The following NFATC3 variants were observed in gnomAD, a reference collection of about 807,000 sequenced individuals.
NFATC3 encodes nuclear factor of activated T-cells, cytoplasmic 3.
A neutral mutation model predicts 98.6 loss-of-function variants in NFATC3; 46 were observed. That is an observed-to-expected ratio of 0.47 (90% CI 0.37 to 0.60). NFATC3 has a LOEUF of 0.60. Ranked by LOEUF, NFATC3 falls within the 20% of genes least tolerant of loss-of-function variation. The pLI is 0.00. For missense variants in NFATC3, 1,256 were observed against 1,295.5 expected (o/e 0.97, Z 0.47); for synonymous variants, 512 against 472.2 (o/e 1.08, Z -1.09).
At position 68,228,484 on chromosome 16, in the gene NFATC3, T is replaced by G. The variant is rs1322582660; in HGVS notation, c.*2013T>G. Reference sequence around the variant, plus strand: ...CCTCAAGAATTAAAAGCCTCTATGATCCAGAGTTGCTATGCACCAAATTTT... The same window carrying G: ...CCTCAAGAATTAAAAGCCTCTATGAGCCAGAGTTGCTATGCACCAAATTTT... On this transcript the variant is annotated 3_prime_UTR_variant, in exon 10 of 10. Transcript: ENST00000346183. 2 of 152,566 alleles carry G rather than the reference T, an allele frequency of 1.3e-5. No homozygotes were observed. Among genetic ancestry groups the G allele is most frequent in the Non-Finnish European group, 2.9e-5 (2 of 68,038 alleles). 9.5% of individuals were successfully genotyped at this position (152,566 alleles called of 1,614,324 possible).
chr16:68,115,973 T>A (rs2036256929), intron 1 of NFATC3, among the ~76,000 whole-genome samples: 2 of 152,172 alleles, frequency 1.3e-5, no homozygotes, highest in Non-Finnish European at 2.9e-5. Flanking sequence ...ACGTATGCAT[T>A]GCACTCATTA....
At chr16:68,179,054 C>G (rs1459508158) in intron 6 of NFATC3, among the ~76,000 whole-genome samples, 1 of 152,162 alleles carries the variant, frequency 6.6e-6, no homozygotes, top group Non-Finnish European at 1.5e-5. Context: ...TGTTAAGTCT[C>G]TATATCTTAG....
chr16:68,156,399 T>C (rs528570519), intron 3 of NFATC3, among the ~76,000 whole-genome samples: 12 of 152,196 alleles, frequency 7.9e-5, no homozygotes, highest in African/African-American at 2.6e-4. Context: ...CAAACCGATA[T>C]CCTTCATGAA....
At chr16:68,133,805 A>G (rs1299383098) in intron 3 of NFATC3, among the ~76,000 whole-genome samples, 3 of 150,232 alleles carry the variant, frequency 2.0e-5, no homozygotes, top group Non-Finnish European at 3.0e-5. Flanking sequence ...GTGTTTCTTT[A>G]TCTGTTATCT....
At position 68,214,294 on chromosome 16, in the gene NFATC3, T is replaced by C. The variant is rs770502011; in HGVS notation, c.3107-12056T>C. 4 of 1,544,034 alleles carry C rather than the reference T, an allele frequency of 2.6e-6. 1 individual carries two copies. In the South Asian group the frequency reaches 4.5e-5, roughly 17 times the overall value. On this transcript the variant is annotated intron_variant, in intron 9 of 9. Transcript: ENST00000346183. ...AGATTAAGTTCACCCTCTGGTTTGTTCCATTCAGTAGTGATGTTGTCTTCT... is the reference window on the plus strand; with the variant it reads ...AGATTAAGTTCACCCTCTGGTTTGTCCCATTCAGTAGTGATGTTGTCTTCT...
At chr16:68,167,637 A>G (rs2039256852) in intron 5 of NFATC3, among the ~76,000 whole-genome samples, 1 of 152,076 alleles carries the variant, frequency 6.6e-6, no homozygotes, top group Non-Finnish European at 1.5e-5. Context: ...GACATAATTT[A>G]GAATATTCTG....
At chr16:68,098,297 A>G (rs201982617) in intron 1 of NFATC3, among the ~76,000 whole-genome samples, 2 of 101,454 alleles carry the variant, frequency 2.0e-5, no homozygotes, top group Non-Finnish European at 3.8e-5. Context: ...TATTATTATT[A>G]TTATTTTTTT....
chr16:68,224,859 C>T (rs2041989978), intron 9 of NFATC3: 1 of 151,990 alleles, frequency 6.6e-6, no homozygotes, highest in Admixed American at 6.6e-5. Flanking sequence ...ATTCACATAC[C>T]ATAAAATTTA....
At chr16:68,101,347 T>C (rs2035345200) in intron 1 of NFATC3, among the ~76,000 whole-genome samples, 1 of 152,188 alleles carries the variant, frequency 6.6e-6, no homozygotes, top group East Asian at 1.9e-4. Flanking sequence ...TTTCACTGCA[T>C]TGGCCAGGCT....
At chr16:68,126,090 G>A (rs1163237831) in intron 2 of NFATC3, among the ~76,000 whole-genome samples, 1 of 152,020 alleles carries the variant, frequency 6.6e-6, no homozygotes, top group Non-Finnish European at 1.5e-5. Flanking sequence ...CACCATGCTA[G>A]CAAGGCTGGT....
intron 9 of NFATC3, among the ~76,000 whole-genome samples, chr16:68,220,012 G>A (rs2041798661): frequency 6.6e-6 from 1 of 152,182 alleles, no homozygotes. Context: ...AACATTTCTT[G>A]AATACGAACT....
At chr16:68,101,629 G>A (rs970449447) in intron 1 of NFATC3, among the ~76,000 whole-genome samples, 3 of 151,828 alleles carry the variant, frequency 2.0e-5, no homozygotes, top group East Asian at 3.9e-4. Context: ...GACTACAGGC[G>A]CCTGCCACCA....
chr16:68,121,365 G>T lies in NFATC3; in HGVS notation c.104-622G>T, dbSNP rs55842634. Among the ~76,000 whole-genome samples, 717 of 132,070 alleles carry T rather than the reference G, an allele frequency of 5.4e-3. 8 individuals are homozygous for T. Among genetic ancestry groups the T allele is most frequent in the African/African-American group, 0.019 (674 of 36,114 alleles). The allele number at this position is 132,070 out of a possible 152,430, so 86.6% of individuals were successfully genotyped here. A position where few individuals can be genotyped will look rare whatever the true frequency, so the allele number is the denominator to read the frequency against. On this transcript the variant is annotated intron_variant, in intron 1 of 9. Transcript: ENST00000346183. ...GAGTATTTTTTAGAATTATGGATGT[G>T]TTTTTTTTTTTTTAATAAACACATT...
At chr16:68,123,401 T>C (rs2036651648) in intron 2 of NFATC3, among the ~76,000 whole-genome samples, 1 of 151,794 alleles carries the variant, frequency 6.6e-6, no homozygotes, top group Admixed American at 6.6e-5. Flanking sequence ...AGGCTTATGC[T>C]TTGTATTCCC....
At chr16:68,127,895 T>C (rs2036921835) in intron 3 of NFATC3, among the ~76,000 whole-genome samples, 1 of 152,158 alleles carries the variant, frequency 6.6e-6, no homozygotes, top group Non-Finnish European at 1.5e-5. Flanking sequence ...CTATTTTTCC[T>C]TTCAAATTTA....
chr16:68,110,535 C>T (rs1242788308), intron 1 of NFATC3, among the ~76,000 whole-genome samples: 16 of 150,798 alleles, frequency 1.1e-4, no homozygotes, highest in South Asian at 2.1e-4. Flanking sequence ...AGGATGGTCT[C>T]GATCTCCTGA....
At chr16:68,195,684 T>C (rs2040637295) in intron 9 of NFATC3, among the ~76,000 whole-genome samples, 1 of 144,236 alleles carries the variant, frequency 6.9e-6, no homozygotes, top group African/African-American at 2.5e-5. Flanking sequence ...GGTGGTCGCC[T>C]GTAGTCCCAG....
intron 1 of NFATC3, among the ~76,000 whole-genome samples, chr16:68,103,878 C>T (rs1247422463): frequency 6.6e-6 from 1 of 152,214 alleles, no homozygotes; most frequent in East Asian, 1.9e-4. Context: ...TTTCTGAACT[C>T]TCATTTCCAT....
rs1302154010 is a variant in NFATC3 at position 68,110,691 on chromosome 16, T to C, written c.104-11296T>C. 7.9e-5 allele frequency among the ~76,000 whole-genome samples: 12 copies of C among 152,248 alleles called. 1 individual carries two copies. The highest frequency in any genetic ancestry group is 3.4e-3 in the Middle Eastern group (1 of 294). On this transcript the variant is annotated intron_variant, in intron 1 of 9. Transcript: ENST00000346183. ...CTGATCTTGGTTATGTCTTGTCTTC[T>C]GCTAGATTTGGGGTTTGTTTACTCT...
Sources: gnomAD v4.1 joint callset for allele counts (sites outside exome capture counted in the v4.1 genomes callset) on GRCh38, gnomAD v4.1.1 for gene constraint, MANE v1.5 for transcripts, NCBI Gene and HGNC (gene_info 2026-07-23, HGNC 2026-07-21) for gene names.